LRP12: variants seen among roughly 807,000 people sequenced by gnomAD.
LRP12 encodes the protein LDL receptor related protein 12.
In LRP12, 14 loss-of-function variants were observed where a neutral mutation model predicts 66.0. The observed-to-expected ratio is 0.21, with a 90% CI of 0.14 to 0.33. LRP12 has a LOEUF of 0.33. Ranked by LOEUF, LRP12 falls within the 10% of genes least tolerant of loss-of-function variation. The probability of loss-of-function intolerance (pLI) is 1.00; values close to 1 mark genes in which losing one functional copy is unlikely to be tolerated. For missense variants in LRP12, 889 were observed against 1,053.4 expected (o/e 0.84, Z 2.16); for synonymous variants, 357 against 359.1 (o/e 0.99, Z 0.07).
Position 104,490,795 on chromosome 8 carries a change from T to C in LRP12, c.2458A>G (p.Ser820Gly). The C allele has an allele frequency of 6.2e-7, 1 of 1,614,164 alleles. No individual in the cohort carries two copies. Among genetic ancestry groups the C allele is most frequent in the South Asian group, 1.1e-5 (1 of 91,086 alleles). ...CGCTCACAGGGGCCATCTCGATTAC[T>C]TGGCCTTACTCCAGGATTTGTTGCA... ...YNATNPGVRPSNRDGPCERCG... is the reference protein window; with the variant it reads ...YNATNPGVRPGNRDGPCERCG... Residue 820 changes from serine to glycine, a missense_variant, in exon 7 of 7, where the codon AGT (serine) becomes GGT (glycine). Ser to Gly is a moderately conservative substitution (Grantham distance 56, BLOSUM62 0). This residue lies in a region of LRP12 where 800 missense variants were observed against 964.5 expected (regional missense o/e 0.83). Coordinates refer to ENST00000276654, the MANE Select transcript of LRP12 (RefSeq NM_013437.5).
intron 1 of LRP12, among the ~76,000 whole-genome samples, chr8:104,547,378 T>TTA (rs1468589501): frequency 3.0e-4 from 32 of 106,620 alleles, no homozygotes; most frequent in African/African-American, 1.2e-3. Context: ...TACAATTCTG[T>TTA]TATATTTTGT....
chr8:104,579,668 A>T (rs542084117), intron 1 of LRP12, among the ~76,000 whole-genome samples: 1 of 152,316 alleles, frequency 6.6e-6, no homozygotes, highest in Admixed American at 6.5e-5. Context: ...CATGCTACCC[A>T]ACTTCAAACT....
chr8:104,521,981 G>C lies in LRP12; in HGVS notation c.136+9926C>G, dbSNP rs1024585486. ...ACTTTTCTATATTTAAAAAATAATT[G>C]TAAACTTCTATCAGAGATAATTACA... On this transcript the variant is annotated intron_variant, in intron 2 of 6. Coordinates refer to ENST00000276654, the MANE Select transcript of LRP12 (RefSeq NM_013437.5). 1.3e-4 allele frequency among the ~76,000 whole-genome samples: 20 copies of C among 151,902 alleles called. 1 individual carries two copies. The highest frequency in any genetic ancestry group is 1.3e-3 in the Admixed American group (20 of 15,232).
At chr8:104,503,792 C>T (rs1464421858) in intron 3 of LRP12, among the ~76,000 whole-genome samples, 1 of 152,106 alleles carries the variant, frequency 6.6e-6, no homozygotes, top group African/African-American at 2.4e-5. Context: ...TAAAGGTTTT[C>T]TCTTCCTTCC....
intron 1 of LRP12, among the ~76,000 whole-genome samples, chr8:104,540,394 C>T (rs1335658907): frequency 2.0e-5 from 3 of 152,086 alleles, no homozygotes; most frequent in Admixed American, 6.6e-5. Flanking sequence ...CCTACTTTCC[C>T]CATGTAGGTC....
chr8:104,545,828 A>G (rs1046643073), intron 1 of LRP12, among the ~76,000 whole-genome samples: 1 of 152,182 alleles, frequency 6.6e-6, no homozygotes, highest in Non-Finnish European at 1.5e-5. Flanking sequence ...TCTCTGATGT[A>G]TGCCTGTATA....
chr8:104,507,397 C>T (rs1810925647), intron 3 of LRP12: 1 of 152,078 alleles, frequency 6.6e-6, no homozygotes, highest in African/African-American at 2.4e-5. Context: ...ATCTTAACCT[C>T]ATGAAATCTC....
At chr8:104,500,207 TAC>T (rs746905343) in intron 3 of LRP12, among the ~76,000 whole-genome samples, 3 of 152,114 alleles carry the variant, frequency 2.0e-5, no homozygotes. Flanking sequence ...GAAACCAAAA[TAC>T]AGTTTTACAA....
intron 2 of LRP12, among the ~76,000 whole-genome samples, chr8:104,517,330 G>GAAGGTTA (rs1032088181): frequency 2.6e-5 from 4 of 151,662 alleles, no homozygotes; most frequent in Non-Finnish European, 5.9e-5. Context: ...ATAGAACAGA[G>GAAGGTTA]AAGGTTATGC....
At chr8:104,579,484 T>C (rs1349797492) in intron 1 of LRP12, among the ~76,000 whole-genome samples, 1 of 152,216 alleles carries the variant, frequency 6.6e-6, no homozygotes, top group East Asian at 1.9e-4. Flanking sequence ...GAATCAATAC[T>C]GTTAAAATGG....
At chr8:104,538,016 T>C (rs1588496357) in intron 1 of LRP12, among the ~76,000 whole-genome samples, 1 of 152,170 alleles carries the variant, frequency 6.6e-6, no homozygotes, top group Non-Finnish European at 1.5e-5. Context: ...AGACAGTATT[T>C]GTATCTCATC....
chr8:104,587,868 A>C (rs1380468557), intron 1 of LRP12, among the ~76,000 whole-genome samples: 1 of 152,210 alleles, frequency 6.6e-6, no homozygotes, highest in African/African-American at 2.4e-5. Context: ...CCAAAAAGGA[A>C]AGGTTAAAAC....
At chr8:104,546,764 G>C (rs1811564806) in intron 1 of LRP12, among the ~76,000 whole-genome samples, 1 of 151,336 alleles carries the variant, frequency 6.6e-6, no homozygotes, top group Non-Finnish European at 1.5e-5. Flanking sequence ...ATCTGTGGCT[G>C]ACCTCTTTTA....
intron 1 of LRP12, among the ~76,000 whole-genome samples, chr8:104,543,471 T>C (rs529131563): frequency 5.1e-4 from 77 of 152,164 alleles, no homozygotes; most frequent in Non-Finnish European, 9.1e-4. Flanking sequence ...ACTGTGTGTG[T>C]TCTGATTGTT....
intron 5 of LRP12, among the ~76,000 whole-genome samples, chr8:104,496,470 T>C (rs1404096034): frequency 6.6e-6 from 1 of 152,296 alleles, no homozygotes; most frequent in South Asian, 2.1e-4. Context: ...CTCATTAGAT[T>C]ACGTATTTTT....
At chr8:104,500,562 G>A (rs1269236295) in intron 3 of LRP12, among the ~76,000 whole-genome samples, 1 of 152,158 alleles carries the variant, frequency 6.6e-6, no homozygotes, top group Non-Finnish European at 1.5e-5. Context: ...AATTAGCCGG[G>A]CATGATGGTA....
At chr8:104,548,337 AAATATATAAAT>A (rs1811655989) in intron 1 of LRP12, among the ~76,000 whole-genome samples, 2 of 8,352 alleles carry the variant, frequency 2.4e-4, no homozygotes, top group South Asian at 8.8e-3. Context: ...TATATTATAT[AAATATATAAAT>A]ATATAATATA....
At chr8:104,544,204 A>G (rs1212114228) in intron 1 of LRP12, among the ~76,000 whole-genome samples, 2 of 152,180 alleles carry the variant, frequency 1.3e-5, no homozygotes, top group East Asian at 3.9e-4. Flanking sequence ...AGGCACACAG[A>G]ACACTTCAAT....
intron 2 of LRP12, among the ~76,000 whole-genome samples, chr8:104,518,005 T>C (rs973353343): frequency 6.6e-6 from 1 of 152,136 alleles, no homozygotes. Context: ...GCAGAGTATG[T>C]AGTTAGATGA....
Sources: allele counts gnomAD v4.1 joint callset (sites outside exome capture counted in the v4.1 genomes callset), GRCh38; gene constraint gnomAD v4.1.1; regional missense constraint gnomAD v4.1.1; transcripts MANE v1.5; gene names NCBI Gene and HGNC (gene_info 2026-07-23, HGNC 2026-07-21).